The following TXNL4A variants were observed in gnomAD, a reference collection of about 807,000 sequenced individuals.
TXNL4A encodes thioredoxin like 4A.
A neutral mutation model predicts 14.6 loss-of-function variants in TXNL4A; 17 were observed. The ratio of observed to expected loss-of-function variants is 1.16; its 90% CI spans 0.80 to 1.74. TXNL4A has a LOEUF of 1.74. Among genes scored for constraint, TXNL4A ranks in the 40% most tolerant of loss-of-function variants. The pLI, the probability that TXNL4A is intolerant of heterozygous loss-of-function variation, is 0.00. For synonymous variants in TXNL4A, 83 were observed against 70.6 expected (o/e 1.18, Z -0.88); for missense variants, 74 against 195.2 (o/e 0.38, Z 3.70).
upstream of TXNL4A, among the ~76,000 whole-genome samples, chr18:79,991,489 A>G (rs1478147052): frequency 6.6e-6 from 1 of 152,222 alleles, no homozygotes; most frequent in African/African-American, 2.4e-5. Context: ...TTCATTAAAT[A>G]AAACAAAAAA....
intron 1 of TXNL4A, among the ~76,000 whole-genome samples, chr18:80,004,357 C>T (rs1599743043): frequency 6.6e-6 from 1 of 152,160 alleles, no homozygotes. Flanking sequence ...GGAAACTCTC[C>T]CTTCAGAGAA....
At chr18:79,980,531 C>T (rs575243793) in intron 1 of TXNL4A, among the ~76,000 whole-genome samples, 6 of 152,072 alleles carry the variant, frequency 3.9e-5, no homozygotes, top group South Asian at 2.1e-4. Context: ...TAGGAACAGA[C>T]GGGTTCACTA....
intron 1 of TXNL4A, among the ~76,000 whole-genome samples, chr18:80,032,614 C>A (rs1206262043): frequency 4.6e-5 from 7 of 152,126 alleles, no homozygotes; most frequent in South Asian, 4.1e-4. Flanking sequence ...CCGAGTTGGG[C>A]GGATCACTTG....
At chr18:80,019,185 A>C (rs568932769) in intron 1 of TXNL4A, among the ~76,000 whole-genome samples, 1 of 152,318 alleles carries the variant, frequency 6.6e-6, no homozygotes, top group East Asian at 1.9e-4. Context: ...GTACTGCATT[A>C]GTTTGTTTTC....
upstream of TXNL4A, among the ~76,000 whole-genome samples, chr18:79,989,287 C>T (rs1235209817): frequency 2.0e-5 from 3 of 152,046 alleles, no homozygotes; most frequent in African/African-American, 4.8e-5. Flanking sequence ...TTTTTTTGTA[C>T]TTAGTAGAGA....
chr18:79,973,975 C>A, intron 2 of TXNL4A, 119 bp from the exon 3 acceptor site: 1 of 1,410,364 alleles, frequency 7.1e-7, no homozygotes, highest in Non-Finnish European at 9.6e-7. Flanking sequence ...CTGAAGAACG[C>A]ATAAAATCGA....
chr18:80,020,121 C>T (rs564096179), intron 1 of TXNL4A, among the ~76,000 whole-genome samples: 112 of 152,272 alleles, frequency 7.4e-4, no homozygotes, highest in African/African-American at 2.3e-3. Context: ...GCTTTAAAAA[C>T]GGGAGTTTGC....
At chr18:79,973,928 G>T (rs1458143971) in intron 2 of TXNL4A, 72 bp from the exon 3 acceptor site, 1 of 1,567,176 alleles carries the variant, frequency 6.4e-7, no homozygotes, top group African/African-American at 1.4e-5. Context: ...AAACAATGCC[G>T]TATTTTTCCC....
chr18:79,988,396 G>A lies in TXNL4A; in HGVS notation c.-4C>T, dbSNP rs2051589730. On this transcript the variant is annotated 5_prime_UTR_variant, in exon 1 of 3. Coordinates refer to ENST00000269601, the MANE Select transcript of TXNL4A (RefSeq NM_006701.5). Reference sequence around the variant, plus strand: ...GGTGCGGGAGCATGTACGACATGGCGGCCCGCGCGCTCGCCGCCGCCCAAG... The same window carrying A: ...GGTGCGGGAGCATGTACGACATGGCAGCCCGCGCGCTCGCCGCCGCCCAAG... The A allele has an allele frequency of 2.1e-6, 3 of 1,451,046 alleles. No homozygotes were observed. The highest frequency in any genetic ancestry group is 2.7e-5 in the South Asian group (2 of 74,246). 89.9% of individuals were successfully genotyped at this position (1,451,046 alleles called of 1,614,324 possible). A position where few individuals can be genotyped will look rare whatever the true frequency, so the allele number is the denominator to read the frequency against.
At chr18:80,031,336 C>T (rs1402705317) in intron 1 of TXNL4A, among the ~76,000 whole-genome samples, 6 of 152,134 alleles carry the variant, frequency 3.9e-5, no homozygotes, top group African/African-American at 1.2e-4. Flanking sequence ...GTGCAGTGAC[C>T]AACTATTTAT....
intron 1 of TXNL4A, among the ~76,000 whole-genome samples, chr18:80,001,027 C>G (rs1445218191): frequency 6.6e-6 from 1 of 152,230 alleles, no homozygotes; most frequent in Non-Finnish European, 1.5e-5. Flanking sequence ...CCATCACAGG[C>G]CTGGAGGCCT....
intron 1 of TXNL4A, among the ~76,000 whole-genome samples, chr18:80,028,228 T>G (rs1338111772): frequency 6.7e-6 from 1 of 148,840 alleles, no homozygotes; most frequent in Non-Finnish European, 1.5e-5. Context: ...GGCTGCCTCC[T>G]TGTGTGAGAG....
chr18:80,029,634 C>T (rs1224074199), intron 1 of TXNL4A, among the ~76,000 whole-genome samples: 1 of 152,144 alleles, frequency 6.6e-6, no homozygotes, highest in African/African-American at 2.4e-5. Context: ...GCCTACCATC[C>T]CCAATCCTCA....
At chr18:79,984,323 G>A (rs957515525) in intron 1 of TXNL4A, among the ~76,000 whole-genome samples, 5 of 152,150 alleles carry the variant, frequency 3.3e-5, no homozygotes, top group Non-Finnish European at 5.9e-5. Flanking sequence ...GCCAGGCATG[G>A]TGGCTCACAC....
intron 1 of TXNL4A, chr18:79,986,632 G>A: frequency 1.0e-6 from 1 of 985,438 alleles, no homozygotes; most frequent in Non-Finnish European, 1.2e-6. Context: ...TTCTAGCTAA[G>A]AGCATCTTGC....
At chr18:79,985,487 A>G (rs983303334) in intron 1 of TXNL4A, among the ~76,000 whole-genome samples, 1 of 151,982 alleles carries the variant, frequency 6.6e-6, no homozygotes, top group Non-Finnish European at 1.5e-5. Context: ...TCCTGGGCTC[A>G]AGGGAACCAC....
chr18:79,995,849 TC>T (rs1262989076), intron 1 of TXNL4A, among the ~76,000 whole-genome samples: 1 of 152,128 alleles, frequency 6.6e-6, no homozygotes, highest in Non-Finnish European at 1.5e-5. Context: ...ACGCCTGTAA[TC>T]CCAGAACTTT....
chr18:80,020,433 T>G (rs1310902842), intron 1 of TXNL4A, among the ~76,000 whole-genome samples: 1 of 152,168 alleles, frequency 6.6e-6, no homozygotes, highest in East Asian at 1.9e-4. Context: ...ACAGTTAACT[T>G]ATTCCTCATG....
chr18:80,004,206 G>C (rs1256111638), intron 1 of TXNL4A, among the ~76,000 whole-genome samples: 1 of 152,108 alleles, frequency 6.6e-6, no homozygotes, highest in Non-Finnish European at 1.5e-5. Context: ...GGTAAGTAGA[G>C]GGATTCCCTG....
Sources: allele counts gnomAD v4.1 joint callset (sites outside exome capture counted in the v4.1 genomes callset), GRCh38; gene constraint gnomAD v4.1.1; transcripts MANE v1.5; gene names NCBI Gene and HGNC (gene_info 2026-07-23, HGNC 2026-07-21).